FSTL4: variants seen among roughly 807,000 people sequenced by gnomAD.
The protein encoded by FSTL4 is follistatin-related protein 4.
A neutral mutation model predicts 78.2 loss-of-function variants in FSTL4; 28 were observed. The observed-to-expected ratio is 0.36, with a 90% CI of 0.27 to 0.49. FSTL4 has a LOEUF of 0.49. Among genes scored for constraint, FSTL4 ranks in the 20% least tolerant of loss-of-function variants. The pLI is 0.98. For synonymous variants in FSTL4, 422 were observed against 440.5 expected, an observed-to-expected ratio of 0.96 and a Z score of 0.53; for missense variants, 922 against 1,084.9, an observed-to-expected ratio of 0.85 and a Z score of 2.11.
chr5:133,472,917 G>A (rs1757852856), intron 3 of FSTL4, among the ~76,000 whole-genome samples: 1 of 152,236 alleles, frequency 6.6e-6, no homozygotes, highest in South Asian at 2.1e-4. Context: ...TGTACTCCCA[G>A]TCCCACTGTG....
At chr5:133,498,940 C>T (rs764852548) in intron 3 of FSTL4, among the ~76,000 whole-genome samples, 1 of 151,960 alleles carries the variant, frequency 6.6e-6, no homozygotes, top group Non-Finnish European at 1.5e-5. Context: ...CTCAGGGAGG[C>T]TCTTGGGAAT....
At chr5:133,776,110 C>T in the FSTL4 span, among the ~76,000 whole-genome samples, 5 of 152,198 alleles carry the variant, frequency 3.3e-5, no homozygotes, top group African/African-American at 9.6e-5. Flanking sequence ...TGGAGAGTCC[C>T]TATTTGCTCT....
intron 4 of FSTL4, among the ~76,000 whole-genome samples, chr5:133,354,974 T>A (rs1307918150): frequency 1.3e-5 from 2 of 152,274 alleles, no homozygotes; most frequent in Non-Finnish European, 2.9e-5. Flanking sequence ...CTCTGTCTAC[T>A]GCTAATTGAG....
the FSTL4 span, among the ~76,000 whole-genome samples, chr5:133,622,782 G>A: frequency 2.6e-5 from 4 of 152,280 alleles, no homozygotes; most frequent in African/African-American, 9.6e-5. Flanking sequence ...AGTGTTGAGA[G>A]TGTTTTGTAC....
At chr5:133,418,120 C>T (rs954825510) in intron 3 of FSTL4, among the ~76,000 whole-genome samples, 2 of 151,510 alleles carry the variant, frequency 1.3e-5, no homozygotes, top group Non-Finnish European at 2.9e-5. Context: ...AAAGACATCA[C>T]TAAACTAGAA....
At chr5:133,394,653 C>A (rs559573582) in intron 4 of FSTL4, among the ~76,000 whole-genome samples, 1 of 152,188 alleles carries the variant, frequency 6.6e-6, no homozygotes, top group African/African-American at 2.4e-5. Context: ...TGGGCTCCTG[C>A]GTGGCCCGAG....
chr5:133,688,327 T>G, the FSTL4 span, among the ~76,000 whole-genome samples: 1 of 152,096 alleles, frequency 6.6e-6, no homozygotes, highest in Admixed American at 6.6e-5. Context: ...GCAGGAGAAT[T>G]GCTTGAACCC....
At chr5:133,640,910 T>A in the FSTL4 span, among the ~76,000 whole-genome samples, 5 of 152,222 alleles carry the variant, frequency 3.3e-5, no homozygotes, top group African/African-American at 1.2e-4. Context: ...GCTTCATGTT[T>A]CATAATCAGT....
chr5:133,201,625 C>T (rs1288507087), intron 15 of FSTL4, among the ~76,000 whole-genome samples: 3 of 152,234 alleles, frequency 2.0e-5, no homozygotes, highest in Non-Finnish European at 4.4e-5. Flanking sequence ...GCTCAATTTA[C>T]TGCTACTGTT....
At chr5:133,696,520 G>A in the FSTL4 span, among the ~76,000 whole-genome samples, 3 of 152,184 alleles carry the variant, frequency 2.0e-5, no homozygotes, top group African/African-American at 2.4e-5. Context: ...CTGGCATGTC[G>A]TATCTCATTT....
intron 8 of FSTL4, among the ~76,000 whole-genome samples, chr5:133,227,304 T>C (rs762808437): frequency 1.1e-4 from 17 of 151,850 alleles, no homozygotes; most frequent in Non-Finnish European, 1.6e-4. Flanking sequence ...GTGGAGGAGG[T>C]CCACGGAGCT....
the FSTL4 span, among the ~76,000 whole-genome samples, chr5:133,653,458 C>T: frequency 1.3e-4 from 20 of 152,282 alleles, no homozygotes; most frequent in South Asian, 8.3e-4. Context: ...GTATCTCCCT[C>T]GGGACTGCAT....
rs116406238 is a variant in FSTL4 at position 133,602,574 on chromosome 5, A to C, written c.126+1284T>G. ...ATATATGTGTAGGATTTAAGTGATCATTTTCTCTTGGTATGGATATGAGTG... is the reference window on the plus strand; with the variant it reads ...ATATATGTGTAGGATTTAAGTGATCCTTTTCTCTTGGTATGGATATGAGTG... On this transcript the variant is annotated intron_variant, in intron 2 of 15. Transcript: ENST00000265342. Among the ~76,000 whole-genome samples the C allele has an allele frequency of 2.6e-3, 392 of 152,252 alleles. 4 individuals carry two copies. The highest frequency in any genetic ancestry group is 8.7e-3 in the African/African-American group (361 of 41,530).
At chr5:133,335,411 A>T (rs1754441542) in intron 4 of FSTL4, among the ~76,000 whole-genome samples, 1 of 151,866 alleles carries the variant, frequency 6.6e-6, no homozygotes, top group Non-Finnish European at 1.5e-5. Context: ...TGTTCAGCTC[A>T]CGTGACACAA....
chr5:133,352,000 G>C (rs963787643), intron 4 of FSTL4, among the ~76,000 whole-genome samples: 3 of 151,466 alleles, frequency 2.0e-5, no homozygotes, highest in Non-Finnish European at 4.4e-5. Flanking sequence ...ATTTAGATCT[G>C]TCACAATTTC....
At chr5:133,312,110 C>T (rs1176624414) in intron 6 of FSTL4, among the ~76,000 whole-genome samples, 3 of 152,340 alleles carry the variant, frequency 2.0e-5, no homozygotes, top group East Asian at 1.9e-4. Context: ...TGGAGGGGCA[C>T]TCAGAGTACC....
chr5:133,214,672 C>T (rs917560185), intron 13 of FSTL4, among the ~76,000 whole-genome samples: 40 of 152,158 alleles, frequency 2.6e-4, no homozygotes, highest in Admixed American at 9.2e-4. Context: ...ACCTATTGTA[C>T]TTGTGCCTGG....
the FSTL4 span, among the ~76,000 whole-genome samples, chr5:133,658,357 A>G: frequency 1.8e-3 from 278 of 152,264 alleles, 1 homozygote; most frequent in Middle Eastern, 0.01. Context: ...GGGATCATCT[A>G]TTCCTTGAAT....
At chr5:133,740,133 C>T in the FSTL4 span, among the ~76,000 whole-genome samples, 1 of 152,158 alleles carries the variant, frequency 6.6e-6, no homozygotes, top group African/African-American at 2.4e-5. Context: ...ATCTACCCAC[C>T]TTGGCCTCCC....
Sources: gnomAD v4.1 joint callset for allele counts (sites outside exome capture counted in the v4.1 genomes callset) on GRCh38, gnomAD v4.1.1 for gene constraint, MANE v1.5 for transcripts, NCBI Gene and HGNC (gene_info 2026-07-23, HGNC 2026-07-21) for gene names.